NMNAT2: variants seen among roughly 807,000 people sequenced by gnomAD.
The protein encoded by NMNAT2 is nicotinamide/nicotinic acid mononucleotide adenylyltransferase 2.
NMNAT2 carries 11 observed loss-of-function variants against 41.6 expected under a neutral mutation model. The ratio of observed to expected loss-of-function variants is 0.26; its 90% confidence interval spans 0.17 to 0.44. The LOEUF is 0.44. Among genes scored for constraint, NMNAT2 ranks in the 20% least tolerant of loss-of-function variants. The probability of loss-of-function intolerance (pLI) is 1.00; values close to 1 mark genes in which losing one functional copy is unlikely to be tolerated. For synonymous variants in NMNAT2, 148 were observed against 151.2 expected (o/e 0.98, Z 0.16); for missense variants, 288 against 407.7 (o/e 0.71, Z 2.53).
At chr1:183,392,401 T>C (rs1648509813) in intron 1 of NMNAT2, among the ~76,000 whole-genome samples, 1 of 152,258 alleles carries the variant, frequency 6.6e-6, no homozygotes, top group African/African-American at 2.4e-5. Context: ...TCACCTCTCC[T>C]ATAGATTACA....
intron 1 of NMNAT2, among the ~76,000 whole-genome samples, chr1:183,403,877 C>A (rs2101928076): frequency 6.6e-6 from 1 of 152,264 alleles, no homozygotes; most frequent in South Asian, 2.1e-4. Flanking sequence ...GGGTTAAAGT[C>A]AGGCCAGACA....
intron 7 of NMNAT2, among the ~76,000 whole-genome samples, chr1:183,279,973 G>A (rs1661216946): frequency 6.6e-6 from 1 of 152,224 alleles, no homozygotes; most frequent in African/African-American, 2.4e-5. Context: ...CAACAGATGA[G>A]CTGACAACAG....
rs1046538347 is a variant in NMNAT2, at chr1:183,418,125, G to A, written c.85+58C>T. 8.6e-6 allele frequency: 13 copies of A among 1,507,532 alleles called. No individual in the cohort carries two copies. The South Asian group carries it at 1.5e-4, about 17-fold the overall frequency. The allele number at this position is 1,507,532 out of a possible 1,614,324, so 93.4% of individuals were successfully genotyped here. A position where few individuals can be genotyped will look rare whatever the true frequency, so the allele number is the denominator to read the frequency against. On this transcript the variant is annotated intron_variant, in intron 1 of 10. Transcript: ENST00000287713. ...CCGTTCGATCGCCCTGGAAAACACA[G>A]GTGCCTGGGAAAGGAGAGGAGCGGA...
intron 1 of NMNAT2, among the ~76,000 whole-genome samples, chr1:183,380,903 C>G (rs1663790697): frequency 1.3e-5 from 2 of 152,080 alleles, no homozygotes; most frequent in Admixed American, 6.6e-5. Flanking sequence ...AATTGGGAGC[C>G]AGAGGAGGTT....
chr1:183,280,061 T>G (rs1255938352), intron 7 of NMNAT2, among the ~76,000 whole-genome samples: 1 of 152,072 alleles, frequency 6.6e-6, no homozygotes, highest in Non-Finnish European at 1.5e-5. Flanking sequence ...CAGCATGGGG[T>G]CACTGGGGAG....
At chr1:183,388,733 C>T (rs958722201) in intron 1 of NMNAT2, among the ~76,000 whole-genome samples, 3 of 152,142 alleles carry the variant, frequency 2.0e-5, no homozygotes, top group Non-Finnish European at 2.9e-5. Flanking sequence ...TCTTTGTTTT[C>T]TTATTGTCAG....
intron 1 of NMNAT2, among the ~76,000 whole-genome samples, chr1:183,348,203 G>A (rs1045310148): frequency 6.6e-6 from 1 of 152,096 alleles, no homozygotes. Flanking sequence ...CCCAGCAAAG[G>A]CATCTTTTAG....
chr1:183,365,040 A>G (rs1044625888), intron 1 of NMNAT2, among the ~76,000 whole-genome samples: 1 of 152,150 alleles, frequency 6.6e-6, no homozygotes, highest in Non-Finnish European at 1.5e-5. Context: ...CCATTTGCTC[A>G]TATTTAAAAG....
chr1:183,400,553 GA>G (rs1648779874), intron 1 of NMNAT2, among the ~76,000 whole-genome samples: 1 of 152,038 alleles, frequency 6.6e-6, no homozygotes, highest in South Asian at 2.1e-4. Context: ...CACAGAATTG[GA>G]AAAAACTACT....
intron 1 of NMNAT2, among the ~76,000 whole-genome samples, chr1:183,381,270 G>A (rs534342909): frequency 1.3e-5 from 2 of 152,308 alleles, no homozygotes; most frequent in South Asian, 2.1e-4. Context: ...AGCAGAGAAA[G>A]TTCAGGTTAC....
At position 183,385,084 on chromosome 1, in the gene NMNAT2, T is replaced by G. The variant is rs996467617; in HGVS notation, c.85+33099A>C. On this transcript the variant is annotated intron_variant, in intron 1 of 10. Transcript: ENST00000287713. ...AATTAAAAATTAAAAAAAAATTAAC[T>G]GACACAACTTGGGAGGCTCAGGCAG... 7.9e-5 allele frequency among the ~76,000 whole-genome samples: 12 copies of G among 151,656 alleles called. No individual in the cohort carries two copies. In the South Asian group the frequency reaches 2.5e-3, roughly 32 times the overall value.
intron 7 of NMNAT2, among the ~76,000 whole-genome samples, chr1:183,280,714 A>ATTTTTTTTTGGCGACTTTTTTTC (rs1553270990): frequency 1.4e-5 from 2 of 140,826 alleles, no homozygotes; most frequent in African/African-American, 2.7e-5. Flanking sequence ...ACATTATGAG[A>ATTTTTTTTTGGCGACTTTTTTTC]TTTTTTTTTG....
intron 8 of NMNAT2, among the ~76,000 whole-genome samples, chr1:183,277,150 T>G (rs1661143051): frequency 6.6e-6 from 1 of 152,194 alleles, no homozygotes; most frequent in South Asian, 2.1e-4. Context: ...GGTACTATTA[T>G]TAGGCTCATT....
chr1:183,358,047 A>T (rs1048490012), intron 1 of NMNAT2, among the ~76,000 whole-genome samples: 3 of 152,248 alleles, frequency 2.0e-5, no homozygotes, highest in African/African-American at 7.2e-5. Flanking sequence ...AGATTGGATT[A>T]AAAAATGTGG....
intron 10 of NMNAT2, among the ~76,000 whole-genome samples, chr1:183,257,359 T>C (rs1002062897): frequency 6.6e-6 from 1 of 152,048 alleles, no homozygotes; most frequent in Non-Finnish European, 1.5e-5. Context: ...GAGAATCACT[T>C]GAACCCGGGA....
intron 1 of NMNAT2, among the ~76,000 whole-genome samples, chr1:183,391,373 A>G (rs908390047): frequency 1.3e-5 from 2 of 151,638 alleles, no homozygotes; most frequent in Non-Finnish European, 2.9e-5. Context: ...GGCAAGGCCA[A>G]CTCCTCCATT....
Position 183,284,731 on chromosome 1 carries a change from C to A in NMNAT2, c.508G>T (p.Val170Leu). The A allele has an allele frequency of 6.2e-7, 1 of 1,614,068 alleles. No homozygotes were observed. Among genetic ancestry groups the A allele is most frequent in the Non-Finnish European group, 8.5e-7 (1 of 1,179,984 alleles). ...LSRICCVRPP[V>L]ERFTFVDENA... ...TCACCTACAAAGGTGAAACGCTCCACCGGCGGGCGGACACAGCAGATCCGG... is the reference window on the plus strand; with the variant it reads ...TCACCTACAAAGGTGAAACGCTCCAACGGCGGGCGGACACAGCAGATCCGG... The change falls in exon 6 of 11, where the codon GTG becomes TTG. Residue 170 changes from valine (V) to leucine (L), a missense_variant. This residue lies in a region of NMNAT2 where 181 missense variants were observed against 213.7 expected (regional missense o/e 0.85). Transcript: ENST00000287713.
chr1:183,337,704 G>C (rs1557882201), intron 1 of NMNAT2, among the ~76,000 whole-genome samples: 1 of 152,074 alleles, frequency 6.6e-6, no homozygotes, highest in East Asian at 1.9e-4. Flanking sequence ...CTCTCTGCTG[G>C]CAACAATCGT....
chr1:183,309,547 G>T (rs12566804), intron 1 of NMNAT2, among the ~76,000 whole-genome samples: 29,023 of 152,126 alleles, frequency 0.19, 2,918 homozygotes, highest in East Asian at 0.37. Context: ...AAAGTAAAAA[G>T]GCCTACAGTA....
Sources: allele counts gnomAD v4.1 joint callset (sites outside exome capture counted in the v4.1 genomes callset), GRCh38; gene constraint gnomAD v4.1.1; regional missense constraint gnomAD v4.1.1; transcripts MANE v1.5; gene names NCBI Gene and HGNC (gene_info 2026-07-23, HGNC 2026-07-21).